Variants in APBA2 observed in about 807,000 individuals in gnomAD.
APBA2 encodes amyloid-beta A4 precursor protein-binding family A member 2.
Under a neutral mutation model 75.0 loss-of-function variants are expected in APBA2, and 30 were observed. The observed-to-expected ratio is 0.40, with a 90% CI of 0.30 to 0.54. APBA2 has a LOEUF of 0.54. Among genes scored for constraint, APBA2 ranks in the 20% least tolerant of loss-of-function variants. APBA2 has a pLI of 0.49. For missense variants in APBA2, 801 were observed against 1,016.1 expected (o/e 0.79, Z 2.88); for synonymous variants, 444 against 409.6 (o/e 1.08, Z -1.01).
chr15:28,993,916 G>A (rs1264934992), intron 2 of APBA2, among the ~76,000 whole-genome samples: 1 of 152,138 alleles, frequency 6.6e-6, no homozygotes, highest in Non-Finnish European at 1.5e-5. Flanking sequence ...CCGGAGTTTA[G>A]GGTGCCTGGA....
chr15:28,967,822 G>A (rs1024303978), intron 2 of APBA2, among the ~76,000 whole-genome samples: 2 of 152,134 alleles, frequency 1.3e-5, no homozygotes, highest in Non-Finnish European at 2.9e-5. Flanking sequence ...CTTAAGCATT[G>A]TTTAGGTGTA....
intron 1 of APBA2, among the ~76,000 whole-genome samples, chr15:28,899,548 G>A (rs1566781791): frequency 6.6e-6 from 1 of 152,328 alleles, no homozygotes; most frequent in South Asian, 2.1e-4. Context: ...CAGCCGGTTG[G>A]AGGCTTCCGT....
intron 1 of APBA2, among the ~76,000 whole-genome samples, chr15:28,887,896 T>C (rs991066099): frequency 6.6e-6 from 1 of 152,040 alleles, no homozygotes; most frequent in Non-Finnish European, 1.5e-5. Flanking sequence ...TATTAGGAAG[T>C]GTGGTCTGTG....
At chr15:29,088,831 G>A (rs1392081950) in intron 6 of APBA2, among the ~76,000 whole-genome samples, 1 of 152,134 alleles carries the variant, frequency 6.6e-6, no homozygotes, top group Non-Finnish European at 1.5e-5. Flanking sequence ...CCCTCGACTT[G>A]TCTCAGCTGC....
intron 8 of APBA2, 89 bp from the exon 9 acceptor site, chr15:29,098,401 G>T (rs2043953914): frequency 1.2e-6 from 1 of 856,184 alleles, no homozygotes; most frequent in Admixed American, 1.8e-5. Context: ...GGTGATTAGG[G>T]ATGTTGAGCA....
intron 3 of APBA2, among the ~76,000 whole-genome samples, chr15:29,020,247 T>C (rs1195988426): frequency 6.6e-6 from 1 of 151,728 alleles, no homozygotes; most frequent in African/African-American, 2.4e-5. Context: ...TTACTTCGAC[T>C]ATTTTCTTCC....
At chr15:29,050,361 A>G (rs2041537045) in intron 3 of APBA2, among the ~76,000 whole-genome samples, 2 of 152,258 alleles carry the variant, frequency 1.3e-5, no homozygotes, top group South Asian at 2.1e-4. Flanking sequence ...GACTCTAACA[A>G]TTATTTTTAC....
intron 1 of APBA2, among the ~76,000 whole-genome samples, chr15:28,906,513 G>A (rs1484515205): frequency 6.6e-6 from 1 of 152,172 alleles, no homozygotes; most frequent in African/African-American, 2.4e-5. Flanking sequence ...TCCTAGAAGT[G>A]GACTTGCTGG....
At position 29,054,749 on chromosome 15, in the gene APBA2, G is replaced by C. The variant is rs755644822; in HGVS notation, c.865G>C (p.Glu289Gln). 2 of 1,610,022 alleles carry C rather than the reference G, an allele frequency of 1.2e-6. No homozygotes were observed. Among genetic ancestry groups the C allele is most frequent in the Non-Finnish European group, 1.7e-6 (2 of 1,179,984 alleles). Residue 289 changes from glutamate (E) to glutamine (Q), a missense_variant, in exon 4 of 15, where the codon GAG (glutamate) becomes CAG (glutamine). By Grantham distance (29) the Glu-to-Gln change is conservative (BLOSUM62 2). Coordinates refer to ENST00000683413, the MANE Select transcript of APBA2 (RefSeq NM_001353788.2). This position sits in a 1 kb window ranked among gnomAD's most constrained non-coding sequence, Gnocchi z 6.1. ...GCCCAAGTCGCTGAACCTCCTTCCC[G>C]AGGCCAAGCACCCCGGAGACCCCCA... ...ARPKSLNLLP[E>Q]AKHPGDPQRG...
chr15:28,978,851 T>G (rs969335601), intron 2 of APBA2, among the ~76,000 whole-genome samples: 1 of 152,208 alleles, frequency 6.6e-6, no homozygotes, highest in Admixed American at 6.5e-5. Flanking sequence ...TTGGATTGTA[T>G]TTTTCCAAAT....
At chr15:29,022,579 C>A (rs7176462) in intron 3 of APBA2, among the ~76,000 whole-genome samples, 55,056 of 151,844 alleles carry the variant, frequency 0.36, 16,233 homozygotes, top group African/African-American at 0.79. Flanking sequence ...GCTGATTTGA[C>A]ATGTTACCTT....
At chr15:28,995,645 T>G (rs2038477735) in intron 2 of APBA2, 108 bp from the exon 3 acceptor site, 1 of 152,218 alleles carries the variant, frequency 6.6e-6, no homozygotes, top group Non-Finnish European at 1.5e-5. Context: ...TTACAGGTGA[T>G]TCAAAGCCTC....
rs1489204839 is a variant in APBA2, at chr15:29,046,245, A to G, written c.-40-7600A>G. Among the ~76,000 whole-genome samples the G allele has an allele frequency of 6.6e-6, 1 of 152,256 alleles. No homozygotes were observed. Among genetic ancestry groups the G allele is most frequent in the Non-Finnish European group, 1.5e-5 (1 of 68,040 alleles). On this transcript the variant is annotated intron_variant, in intron 3 of 14. Coordinates refer to ENST00000683413, the MANE Select transcript of APBA2 (RefSeq NM_001353788.2). This position sits in a 1 kb window ranked among gnomAD's most constrained non-coding sequence, Gnocchi z 5.0. ...GAACTCAATGAGATACCAGAAATCC[A>G]GTAGGAGAACACTTTCTTTGAAAGA...
chr15:28,911,332 C>G (rs933872300), intron 1 of APBA2, among the ~76,000 whole-genome samples: 1 of 152,128 alleles, frequency 6.6e-6, no homozygotes, highest in Non-Finnish European at 1.5e-5. Context: ...GAAGAAAACT[C>G]GGCTACCAAC....
intron 2 of APBA2, among the ~76,000 whole-genome samples, chr15:28,926,254 C>G (rs755644861): frequency 6.6e-6 from 1 of 152,192 alleles, no homozygotes; most frequent in Non-Finnish European, 1.5e-5. Context: ...CTTTTTCTCT[C>G]TCCTCTGGTT....
chr15:28,978,552 C>G (rs1480703965), intron 2 of APBA2, among the ~76,000 whole-genome samples: 2 of 152,220 alleles, frequency 1.3e-5, no homozygotes, highest in African/African-American at 4.8e-5. Flanking sequence ...AGTGTACTTC[C>G]AGGAGCCTTG....
At position 29,117,785 on chromosome 15, in the gene APBA2, C is replaced by G. The variant is rs2045295519; in HGVS notation, c.*652C>G. ...ATTTTGGCAGGCTTTTTTCCAGACTCTAGGGTTTTCCAATGTGACTAATGA... is the reference window on the plus strand; with the variant it reads ...ATTTTGGCAGGCTTTTTTCCAGACTGTAGGGTTTTCCAATGTGACTAATGA... On this transcript the variant is annotated 3_prime_UTR_variant, in exon 15 of 15. Coordinates refer to ENST00000683413, the MANE Select transcript of APBA2 (RefSeq NM_001353788.2). 1 of 152,918 alleles carries G rather than the reference C, an allele frequency of 6.5e-6. No homozygotes were observed. Among genetic ancestry groups the G allele is most frequent in the Non-Finnish European group, 1.5e-5 (1 of 68,614 alleles). The allele number at this position is 152,918 out of a possible 1,614,324, so 9.5% of individuals were successfully genotyped here.
chr15:29,066,481 C>A (rs1026854032), intron 4 of APBA2, among the ~76,000 whole-genome samples: 3 of 152,180 alleles, frequency 2.0e-5, no homozygotes, highest in African/African-American at 7.2e-5. Flanking sequence ...TGTGATTCTA[C>A]TTCTGAGGCA....
At chr15:29,078,686 G>T (rs1595907433) in intron 6 of APBA2, among the ~76,000 whole-genome samples, 1 of 151,214 alleles carries the variant, frequency 6.6e-6, no homozygotes, top group East Asian at 1.9e-4. Context: ...ATGGCTCTGT[G>T]ATGTCAGGAT....
Sources: allele counts gnomAD v4.1 joint callset (sites outside exome capture counted in the v4.1 genomes callset), GRCh38; gene constraint gnomAD v4.1.1; non-coding constraint Gnocchi (gnomAD v3.1); transcripts MANE v1.5; gene names NCBI Gene and HGNC (gene_info 2026-07-23, HGNC 2026-07-21).